LIN52: variants seen among roughly 807,000 people sequenced by gnomAD.
The protein encoded by LIN52 is protein lin-52 homolog.
Under a neutral mutation model 18.5 loss-of-function variants are expected in LIN52, and 4 were observed. The observed-to-expected ratio is 0.22, with a 90% CI of 0.11 to 0.49. The LOEUF is 0.49. LIN52 is among the 20% of genes least tolerant of loss of function. The pLI is 0.97. For missense variants in LIN52, 102 were observed against 139.5 expected (o/e 0.73, Z 1.35); for synonymous variants, 34 against 45.5 (o/e 0.75, Z 1.02).
intron 5 of LIN52, among the ~76,000 whole-genome samples, chr14:74,126,297 A>G (rs1294290817): frequency 6.6e-6 from 1 of 152,198 alleles, no homozygotes; most frequent in Non-Finnish European, 1.5e-5. Flanking sequence ...GGCTATGTAA[A>G]ATGGTATACT....
intron 5 of LIN52, among the ~76,000 whole-genome samples, chr14:74,190,301 G>T (rs2061357942): frequency 6.6e-6 from 1 of 150,988 alleles, no homozygotes; most frequent in Non-Finnish European, 1.5e-5. Context: ...AATTTTGATA[G>T]TCTGTGATAG....
At chr14:74,142,796 T>C (rs542265788) in intron 5 of LIN52, among the ~76,000 whole-genome samples, 1 of 145,900 alleles carries the variant, frequency 6.9e-6, no homozygotes, top group South Asian at 2.3e-4. Context: ...ACAGACTGAA[T>C]GTGGCCCACA....
chr14:74,186,126 G>A (rs929628128), intron 5 of LIN52, among the ~76,000 whole-genome samples: 7 of 151,702 alleles, frequency 4.6e-5, no homozygotes, highest in Non-Finnish European at 8.8e-5. Flanking sequence ...CCATCTCTAC[G>A]AAAAAACACA....
intron 5 of LIN52, among the ~76,000 whole-genome samples, chr14:74,126,009 G>A (rs1450195167): frequency 1.3e-5 from 2 of 148,900 alleles, no homozygotes; most frequent in Non-Finnish European, 1.5e-5. Context: ...TGCACGTTGT[G>A]CACATGTACC....
At chr14:74,156,446 T>C (rs1281254357) in intron 5 of LIN52, among the ~76,000 whole-genome samples, 1 of 152,248 alleles carries the variant, frequency 6.6e-6, no homozygotes, top group Non-Finnish European at 1.5e-5. Flanking sequence ...GTCTATCCTC[T>C]ACTACCACAG....
chr14:74,174,786 T>C, intron 5 of LIN52: 1 of 54,628 alleles, frequency 1.8e-5, no homozygotes, highest in Admixed American at 2.1e-4. Flanking sequence ...GTATAATACA[T>C]TTGAAAAAAA....
chr14:74,131,698 T>G (rs72627160), intron 5 of LIN52, among the ~76,000 whole-genome samples: 20,979 of 152,280 alleles, frequency 0.14, 2,038 homozygotes, highest in East Asian at 0.58. Context: ...TCTTGGTTGC[T>G]AATAAAGTAA....
intron 5 of LIN52, among the ~76,000 whole-genome samples, chr14:74,107,831 T>C (rs2060906119): frequency 6.6e-6 from 1 of 152,196 alleles, no homozygotes; most frequent in Non-Finnish European, 1.5e-5. Context: ...GGGACCCTGA[T>C]ACATTTGGTT....
At chr14:74,179,679 G>GA (rs919456481) in intron 5 of LIN52, among the ~76,000 whole-genome samples, 4 of 26,286 alleles carry the variant, frequency 1.5e-4, no homozygotes, top group East Asian at 2.9e-4. Context: ...AGAAAAAAAA[G>GA]AAAAAAAAAT....
At chr14:74,093,766 G>T (rs990723834) in intron 2 of LIN52, among the ~76,000 whole-genome samples, 19 of 152,194 alleles carry the variant, frequency 1.2e-4, no homozygotes, top group Non-Finnish European at 2.4e-4. Context: ...AGGAGTTTGA[G>T]ATCAGCCTAG....
intron 5 of LIN52, among the ~76,000 whole-genome samples, chr14:74,128,319 C>T (rs1291758791): frequency 4.6e-5 from 7 of 152,042 alleles, no homozygotes; most frequent in South Asian, 2.1e-4. Flanking sequence ...GAGGAGAGGG[C>T]GGCACAGAGA....
At chr14:74,103,827 A>G (rs554058504) in intron 5 of LIN52, among the ~76,000 whole-genome samples, 1 of 138,988 alleles carries the variant, frequency 7.2e-6, no homozygotes, top group South Asian at 2.3e-4. Flanking sequence ...GGCTCAAGCA[A>G]TCAGCCCACC....
chr14:74,121,628 A>G (rs1595163510), intron 5 of LIN52, among the ~76,000 whole-genome samples: 1 of 152,370 alleles, frequency 6.6e-6, no homozygotes, highest in South Asian at 2.1e-4. Context: ...ATGGTAATAC[A>G]TTAAAAAATA....
chr14:74,152,588 C>T (rs2061181224), intron 5 of LIN52, among the ~76,000 whole-genome samples: 1 of 151,966 alleles, frequency 6.6e-6, no homozygotes, highest in South Asian at 2.1e-4. Context: ...CATCTGACTC[C>T]ATAGCCTTTG....
intron 5 of LIN52, among the ~76,000 whole-genome samples, chr14:74,169,880 G>A (rs1002813998): frequency 6.6e-6 from 1 of 152,200 alleles, no homozygotes; most frequent in Non-Finnish European, 1.5e-5. Context: ...AAAGAAGTTT[G>A]TGTGAAGTTC....
At chr14:74,169,010 C>T (rs1404172097) in intron 5 of LIN52, among the ~76,000 whole-genome samples, 4 of 151,962 alleles carry the variant, frequency 2.6e-5, no homozygotes, top group African/African-American at 4.8e-5. Flanking sequence ...GCCGAGATCA[C>T]GCCAGTGTAC....
chr14:74,135,156 C>T (rs143040807), intron 5 of LIN52, among the ~76,000 whole-genome samples: 1 of 152,246 alleles, frequency 6.6e-6, no homozygotes, highest in African/African-American at 2.4e-5. Context: ...TCTCCGCTTC[C>T]CGGGTTCAAG....
At chr14:74,102,923 G>T (rs2060868382) in intron 5 of LIN52, among the ~76,000 whole-genome samples, 1 of 151,410 alleles carries the variant, frequency 6.6e-6, no homozygotes, top group Admixed American at 6.6e-5. Flanking sequence ...ATGACCCATG[G>T]CCCAGCTTCA....
At chr14:74,096,351 C>T (rs2159157) in intron 3 of LIN52, among the ~76,000 whole-genome samples, 4,869 of 151,976 alleles carry the variant, frequency 0.032, 197 homozygotes, top group African/African-American at 0.095. Flanking sequence ...TGAGCCACCG[C>T]GCCTGGCCTT....
Sources: gnomAD v4.1 joint callset for allele counts (sites outside exome capture counted in the v4.1 genomes callset) on GRCh38, gnomAD v4.1.1 for gene constraint, MANE v1.5 for transcripts, NCBI Gene and HGNC (gene_info 2026-07-23, HGNC 2026-07-21) for gene names.